Variants in MEIS1 observed in about 807,000 individuals in gnomAD.
MEIS1 encodes Meis homeobox 1.
Under a neutral mutation model 50.8 loss-of-function variants are expected in MEIS1, and 5 were observed. The ratio of observed to expected loss-of-function variants is 0.10; its 90% CI spans 0.05 to 0.21. The LOEUF is 0.21. Ranked by LOEUF, MEIS1 falls within the 10% of genes least tolerant of loss-of-function variation. The pLI is 1.00. For synonymous variants in MEIS1, 176 were observed against 179.3 expected (o/e 0.98, Z 0.15); for missense variants, 318 against 517.3 (o/e 0.61, Z 3.74).
chr2:66,555,280 C>CTCTCT (rs10695722), intron 9 of MEIS1, among the ~76,000 whole-genome samples: 3,651 of 133,854 alleles, frequency 0.027, 126 homozygotes, highest in African/African-American at 0.05. Flanking sequence ...CTCTCTCTCT[C>CTCTCT]GTCTCTCTCC....
chr2:66,481,312 C>G (rs773813731), intron 7 of MEIS1, among the ~76,000 whole-genome samples: 1 of 152,206 alleles, frequency 6.6e-6, no homozygotes, highest in Non-Finnish European at 1.5e-5. Context: ...TTCTAAGCCC[C>G]CATTGCTATG....
At chr2:66,472,288 G>A (rs1288735973) in intron 7 of MEIS1, among the ~76,000 whole-genome samples, 12 of 152,092 alleles carry the variant, frequency 7.9e-5, no homozygotes, top group Non-Finnish European at 5.9e-5. Context: ...TTAATTTTAG[G>A]GAAGCATCCA....
intron 8 of MEIS1, among the ~76,000 whole-genome samples, 172 bp from the exon 9 acceptor site, chr2:66,547,771 G>GT (rs1264134993): frequency 6.6e-6 from 1 of 152,142 alleles, no homozygotes; most frequent in African/African-American, 2.4e-5. Context: ...ATTAATCTTT[G>GT]TAATTGGCTT....
intron 6 of MEIS1, among the ~76,000 whole-genome samples, chr2:66,445,482 G>T (rs893277719): frequency 2.0e-5 from 3 of 152,200 alleles, no homozygotes; most frequent in Non-Finnish European, 4.4e-5. Flanking sequence ...CCCCTAGTGC[G>T]GCGTCCTGGG....
chr2:66,441,275 T>C (rs376560040), intron 4 of MEIS1, 139 bp from the exon 5 acceptor site: 27 of 657,190 alleles, frequency 4.1e-5, no homozygotes, highest in Middle Eastern at 2.6e-4. Context: ...GTTGCTGCTA[T>C]TAAGTTTTAG....
intron 9 of MEIS1, among the ~76,000 whole-genome samples, chr2:66,556,445 A>G (rs1675066486): frequency 6.6e-6 from 1 of 152,064 alleles, no homozygotes; most frequent in Non-Finnish European, 1.5e-5. Context: ...GCTCAAAAAT[A>G]AATGTCCTGC....
intron 7 of MEIS1, among the ~76,000 whole-genome samples, chr2:66,504,436 A>C (rs1046332372): frequency 6.6e-6 from 1 of 151,604 alleles, no homozygotes; most frequent in Non-Finnish European, 1.5e-5. Context: ...GGCTTTCACT[A>C]TGTTGGGCAG....
intron 8 of MEIS1, among the ~76,000 whole-genome samples, chr2:66,543,385 GA>G (rs1674702780): frequency 6.6e-6 from 1 of 152,176 alleles, no homozygotes; most frequent in Admixed American, 6.5e-5. Context: ...TGCTAGAAAG[GA>G]GAAGTCAAGG....
chr2:66,514,832 C>T (rs1215736136), intron 8 of MEIS1, among the ~76,000 whole-genome samples: 1 of 152,138 alleles, frequency 6.6e-6, no homozygotes, highest in Non-Finnish European at 1.5e-5. Context: ...AAGGAACACC[C>T]GTTACCCTTG....
intron 8 of MEIS1, among the ~76,000 whole-genome samples, chr2:66,535,087 C>A (rs1674485816): frequency 6.6e-6 from 1 of 152,186 alleles, no homozygotes. Context: ...GATGAAGCTA[C>A]AGCTTTTTAT....
In MEIS1 at chr2:66,569,181, C is replaced by T. The variant is rs1013525339; in HGVS notation, c.*37+36C>T. The T allele has an allele frequency of 8.8e-5, 136 of 1,552,402 alleles. 1 individual carries two copies. Among genetic ancestry groups the T allele is most frequent in the Middle Eastern group, 6.9e-4 (4 of 5,796 alleles). ...ATGGGGTCTTTGTTTTCACTTTGTC[C>T]TAGGAATATTTTTCCTCTTGCATTT... On this transcript the variant is annotated intron_variant, in intron 12 of 12. Transcript: ENST00000272369.
At chr2:66,491,612 C>T (rs1207475042) in intron 7 of MEIS1, among the ~76,000 whole-genome samples, 4 of 152,150 alleles carry the variant, frequency 2.6e-5, no homozygotes, top group Non-Finnish European at 5.9e-5. Flanking sequence ...GGCCCTAAAA[C>T]AAGTGGGTCT....
chr2:66,437,854 C>T lies in MEIS1; in HGVS notation c.130C>T (p.Pro44Ser). The change falls in exon 2 of 13, where the codon CCT becomes TCT. Residue 44 changes from proline (P) to serine (S), a missense_variant. By Grantham distance (74) the Pro-to-Ser change is moderately conservative. Coordinates refer to ENST00000272369, the MANE Select transcript of MEIS1 (RefSeq NM_002398.3). ...QPVHHLNHGP[P>S]LHSHQYPHTA... The stretch of plus-strand genomic sequence containing the variant: ...GGTCCACCACCTGAACCACGGGCCT[C>T]CTCTGCACTCGCATCAGTACCCGCA... The T allele has an allele frequency of 2.5e-6, 4 of 1,613,648 alleles. No individual in the cohort carries two copies. Among genetic ancestry groups the T allele is most frequent in the Non-Finnish European group, 3.4e-6 (4 of 1,179,758 alleles).
intron 9 of MEIS1, among the ~76,000 whole-genome samples, chr2:66,549,859 A>G (rs940759759): frequency 2.6e-5 from 4 of 152,156 alleles, no homozygotes; most frequent in Admixed American, 6.6e-5. Context: ...GTTGCTTACT[A>G]TGGGTGGACG....
intron 7 of MEIS1, among the ~76,000 whole-genome samples, chr2:66,477,154 G>T (rs575263692): frequency 6.8e-4 from 104 of 152,308 alleles, no homozygotes; most frequent in Middle Eastern, 6.8e-3. Context: ...TGGTTGGATG[G>T]AAGTGAAGGA....
chr2:66,565,491 G>A (rs189714889), intron 9 of MEIS1, among the ~76,000 whole-genome samples: 12 of 152,176 alleles, frequency 7.9e-5, no homozygotes, highest in Non-Finnish European at 1.5e-4. Context: ...CTATAGTTGC[G>A]GTGCTCTAGT....
chr2:66,543,703 T>C (rs1175328975), intron 8 of MEIS1, among the ~76,000 whole-genome samples: 2 of 152,244 alleles, frequency 1.3e-5, no homozygotes, highest in African/African-American at 2.4e-5. Flanking sequence ...TTAATTCTTA[T>C]TGTAAGATCT....
chr2:66,491,635 A>G (rs1219253250), intron 7 of MEIS1, among the ~76,000 whole-genome samples: 1 of 152,142 alleles, frequency 6.6e-6, no homozygotes, highest in South Asian at 2.1e-4. Flanking sequence ...TTTGCATTTA[A>G]AAAAATTAGT....
At chr2:66,508,352 A>G (rs1368941781) in intron 7 of MEIS1, among the ~76,000 whole-genome samples, 1 of 152,192 alleles carries the variant, frequency 6.6e-6, no homozygotes, top group Non-Finnish European at 1.5e-5. Context: ...GGTATTGCCA[A>G]TTAAGGAGCC....
Sources: gnomAD v4.1 joint callset for allele counts (sites outside exome capture counted in the v4.1 genomes callset) on GRCh38, gnomAD v4.1.1 for gene constraint, MANE v1.5 for transcripts, NCBI Gene and HGNC (gene_info 2026-07-23, HGNC 2026-07-21) for gene names.